The following ACOT7 variants were observed in gnomAD, a reference collection of about 807,000 sequenced individuals.
ACOT7 encodes cytosolic acyl coenzyme A thioester hydrolase.
Under a neutral mutation model 40.2 loss-of-function variants are expected in ACOT7, and 12 were observed. The ratio of observed to expected loss-of-function variants is 0.30; its 90% CI spans 0.19 to 0.48. The LOEUF (loss-of-function observed/expected upper bound fraction) is 0.48, where lower values mean the gene tolerates loss of function less well. Among genes scored for constraint, ACOT7 ranks in the 20% least tolerant of loss-of-function variants. The probability of loss-of-function intolerance (pLI) is 0.99; values close to 1 mark genes in which losing one functional copy is unlikely to be tolerated. For synonymous variants in ACOT7, 228 were observed against 219.5 expected (o/e 1.04, Z -0.34); for missense variants, 395 against 530.8 (o/e 0.74, Z 2.51).
At chr1:6,315,753 T>TAAA in intron 6 of ACOT7, among the ~76,000 whole-genome samples, 1 of 83,602 alleles carries the variant, frequency 1.2e-5, no homozygotes, top group East Asian at 3.0e-4. Context: ...AGACTCTGTC[T>TAAA]AAAAAAAAAA....
chr1:6,335,591 C>A (rs1448684673), intron 3 of ACOT7, among the ~76,000 whole-genome samples: 1 of 152,206 alleles, frequency 6.6e-6, no homozygotes, highest in Non-Finnish European at 1.5e-5. Context: ...GAGACAGGAG[C>A]AGCCCCAGGG....
rs973690860 is a variant in ACOT7 at position 6,333,843 on chromosome 1, T to C, written c.419-275A>G. On this transcript the variant is annotated intron_variant, in intron 3 of 8. Transcript: ENST00000361521. ...AGAGGCTGCGTGGGGCCCACCCCCA[T>C]CACAAGGCATGCCCCCCCAAAACTG... 1.3e-5 allele frequency among the ~76,000 whole-genome samples: 2 copies of C among 151,614 alleles called. 1 individual carries two copies. Among genetic ancestry groups the C allele is most frequent in the South Asian group, 4.2e-4 (2 of 4,790 alleles).
At chr1:6,276,119 G>A (rs1276374618) in intron 8 of ACOT7, among the ~76,000 whole-genome samples, 1 of 152,146 alleles carries the variant, frequency 6.6e-6, no homozygotes, top group East Asian at 1.9e-4. Context: ...CTCAGGCCCA[G>A]GCTGGGACCC....
intron 6 of ACOT7, among the ~76,000 whole-genome samples, chr1:6,305,076 A>AC (rs1250445579): frequency 5.3e-5 from 7 of 132,970 alleles, no homozygotes; most frequent in African/African-American, 1.4e-4. Flanking sequence ...CGGGGGGCTG[A>AC]CCCCCCCACA....
chr1:6,337,983 AGAGT>A (rs1641151610), intron 3 of ACOT7, among the ~76,000 whole-genome samples: 2 of 139,590 alleles, frequency 1.4e-5, no homozygotes, highest in East Asian at 4.2e-4. Context: ...ACTGGGCAAC[AGAGT>A]GAGACACCAT....
intron 1 of ACOT7, among the ~76,000 whole-genome samples, chr1:6,375,992 C>T (rs11808971): frequency 0.019 from 2,880 of 151,862 alleles, 39 homozygotes; most frequent in Middle Eastern, 0.038. Context: ...CAGTGGCTCA[C>T]GCCTGTAATC....
chr1:6,290,385 A>C (rs1014263884), intron 7 of ACOT7, among the ~76,000 whole-genome samples: 2 of 152,180 alleles, frequency 1.3e-5, no homozygotes, highest in Non-Finnish European at 2.9e-5. Flanking sequence ...GTGGCAGATC[A>C]GCCTGTGGGA....
intron 1 of ACOT7, among the ~76,000 whole-genome samples, chr1:6,369,394 A>AT (rs1642083340): frequency 7.9e-6 from 1 of 126,486 alleles, no homozygotes; most frequent in Non-Finnish European, 1.7e-5. Flanking sequence ...CACAAAATGC[A>AT]TTTCTTTTTT....
rs1641863893 is a variant in ACOT7 at position 6,360,446 on chromosome 1, A to G, written c.144-10580T>C. 1.2e-5 allele frequency: 16 copies of G among 1,346,434 alleles called. No homozygotes were observed. In the Middle Eastern group the frequency reaches 8.5e-4, roughly 71 times the overall value. 83.4% of individuals were successfully genotyped at this position (1,346,434 alleles called of 1,614,324 possible). ...CGGCCCATCTTCCTGAGTAGCCGGCATCCCAGGGCCAGGGTCTTGAAGCCA... is the reference window on the plus strand; with the variant it reads ...CGGCCCATCTTCCTGAGTAGCCGGCGTCCCAGGGCCAGGGTCTTGAAGCCA... On this transcript the variant is annotated intron_variant, in intron 1 of 8. Transcript: ENST00000361521.
chr1:6,278,227 T>G lies in ACOT7; in HGVS notation c.1014+2875A>C, dbSNP rs1571263453. 6.6e-6 allele frequency among the ~76,000 whole-genome samples: 1 copy of G among 151,968 alleles called. No homozygotes were observed. Among genetic ancestry groups the G allele is most frequent in the Non-Finnish European group, 1.5e-5 (1 of 67,984 alleles). On this transcript the variant is annotated intron_variant, in intron 8 of 8. Transcript: ENST00000361521. This position sits in a 1 kb window ranked among gnomAD's most constrained non-coding sequence, Gnocchi z 4.1. ...GGGTGGTCCAGATGGGAGCAGCAGG[T>G]GCACAGGCGCCGGGCAGGAGTGAGC... is the stretch of plus-strand genomic sequence containing the variant.
At chr1:6,348,718 C>A (rs985654877) in intron 2 of ACOT7, among the ~76,000 whole-genome samples, 1 of 152,248 alleles carries the variant, frequency 6.6e-6, no homozygotes, top group African/African-American at 2.4e-5. Context: ...GTGAGAAATG[C>A]ATTTCCATTG....
At chr1:6,265,358 T>C (rs1464374387) in intron 8 of ACOT7, among the ~76,000 whole-genome samples, 1 of 152,136 alleles carries the variant, frequency 6.6e-6, no homozygotes, top group African/African-American at 2.4e-5. Flanking sequence ...GCAGATGCTG[T>C]GCTGCCTATG....
intron 5 of ACOT7, among the ~76,000 whole-genome samples, chr1:6,323,737 A>AAAAAAAAT (rs1553158667): frequency 2.6e-5 from 1 of 38,418 alleles, no homozygotes. Context: ...AAAAAAAAAA[A>AAAAAAAAT]ATATATATAT....
intron 7 of ACOT7, among the ~76,000 whole-genome samples, chr1:6,292,889 C>CT (rs973103642): frequency 0.075 from 9,408 of 125,070 alleles, 577 homozygotes; most frequent in African/African-American, 0.13. Flanking sequence ...ATTTCTTTTT[C>CT]TTTTTTTTTT....
chr1:6,385,949 G>A (rs1037943415), intron 1 of ACOT7: 5 of 751,314 alleles, frequency 6.7e-6, no homozygotes, highest in Non-Finnish European at 9.9e-6. Context: ...ACAGGACAGG[G>A]CCACCACCCC....
In ACOT7 at chr1:6,339,600, A is replaced by G. The variant is rs111539819; in HGVS notation, c.262-11T>C. ...GGCCACACAGCGCTCCTGTGGAGAC[A>G]GAGGCAGTTGTCAGCCCAGGTCAGC... On this transcript the variant is annotated splice_polypyrimidine_tract_variant and intron_variant, in intron 2 of 8. Transcript: ENST00000361521. 3.8e-3 allele frequency: 6,100 copies of G among 1,610,146 alleles called. 221 individuals carry two copies. The African/African-American group carries it at 0.073, about 19-fold the overall frequency.
chr1:6,274,849 T>C lies in ACOT7; in HGVS notation c.1014+6253A>G, dbSNP rs1557626001. Among the ~76,000 whole-genome samples the C allele has an allele frequency of 1.3e-5, 2 of 152,044 alleles. No homozygotes were observed. ...CGGCGCAGTGCAGGTGGGCAGCGCG[T>C]TGGGACTCCCAGGGTTTAGGTTCTT... On this transcript the variant is annotated intron_variant, in intron 8 of 8. Coordinates refer to ENST00000361521, the MANE Select transcript of ACOT7 (RefSeq NM_007274.4). The surrounding 1 kb of genome is among the most constrained non-coding windows in gnomAD (Gnocchi z 5.9).
At chr1:6,297,292 C>A (rs1358239196) in intron 6 of ACOT7, among the ~76,000 whole-genome samples, 1 of 152,154 alleles carries the variant, frequency 6.6e-6, no homozygotes, top group South Asian at 2.1e-4. Flanking sequence ...CCTGCCTCGG[C>A]CTCCCAAAGT....
In ACOT7 at chr1:6,349,912, T is replaced by C. The variant is rs765865616; in HGVS notation, c.144-46A>G. The C allele has an allele frequency of 1.9e-6, 3 of 1,579,950 alleles. No individual in the cohort carries two copies. The African/African-American group carries it at 4.0e-5, about 21-fold the overall frequency. ...GATGAGGCCTCTGGAGAGGATGCCA[T>C]TTGTGCAACAGTGACAATCCAAGGA... On this transcript the variant is annotated intron_variant, in intron 1 of 8. Coordinates refer to ENST00000361521, the MANE Select transcript of ACOT7 (RefSeq NM_007274.4).
Sources: gnomAD v4.1 joint callset for allele counts (sites outside exome capture counted in the v4.1 genomes callset) on GRCh38, gnomAD v4.1.1 for gene constraint, Gnocchi (gnomAD v3.1) non-coding constraint, MANE v1.5 for transcripts, NCBI Gene and HGNC (gene_info 2026-07-23, HGNC 2026-07-21) for gene names.